GOLPH3L: variants seen among roughly 807,000 people sequenced by gnomAD.
GOLPH3L encodes the protein Golgi phosphoprotein 3-like.
In GOLPH3L, 22 loss-of-function variants were observed where a neutral mutation model predicts 30.3. The ratio of observed to expected loss-of-function variants is 0.73; its 90% CI spans 0.52 to 1.04. The LOEUF is 1.04. Ranked by LOEUF, GOLPH3L falls within the 50% of genes least tolerant of loss-of-function variation. The probability of loss-of-function intolerance (pLI) is 0.00; values close to 1 mark genes in which losing one functional copy is unlikely to be tolerated. For missense variants in GOLPH3L, 303 were observed against 345.8 expected, an observed-to-expected ratio of 0.88 and a Z score of 0.98; for synonymous variants, 120 against 128.2, an observed-to-expected ratio of 0.94 and a Z score of 0.43.
At chr1:150,677,567 AAT>A (rs1650841074) in intron 2 of GOLPH3L, among the ~76,000 whole-genome samples, 2 of 151,892 alleles carry the variant, frequency 1.3e-5, no homozygotes, top group Non-Finnish European at 2.9e-5. Flanking sequence ...AGTAAAATGA[AAT>A]ATAATTTTAC....
chr1:150,653,830 T>C (rs1399608423), intron 4 of GOLPH3L, among the ~76,000 whole-genome samples: 2 of 151,176 alleles, frequency 1.3e-5, no homozygotes, highest in African/African-American at 4.9e-5. Flanking sequence ...CGGCACAATC[T>C]TGTCTCACTG....
chr1:150,673,768 A>C (rs1367530222), intron 2 of GOLPH3L, among the ~76,000 whole-genome samples: 1 of 125,712 alleles, frequency 8.0e-6, no homozygotes, highest in Non-Finnish European at 1.8e-5. Flanking sequence ...GTCTCTACCA[A>C]AAGTACAAAA....
chr1:150,678,923 AG>A (rs1407373880), intron 2 of GOLPH3L, among the ~76,000 whole-genome samples: 3 of 152,222 alleles, frequency 2.0e-5, no homozygotes, highest in Non-Finnish European at 2.9e-5. Context: ...CAGCCTGGCG[AG>A]GGAGCAAGGC....
intron 2 of GOLPH3L, among the ~76,000 whole-genome samples, chr1:150,676,009 C>T (rs1650768847): frequency 7.1e-6 from 1 of 140,580 alleles, no homozygotes; most frequent in African/African-American, 2.6e-5. Context: ...TGTCACTCAA[C>T]CAGGCTGCAG....
intron 4 of GOLPH3L, among the ~76,000 whole-genome samples, chr1:150,654,672 C>T (rs1194813311): frequency 6.6e-6 from 1 of 152,210 alleles, no homozygotes; most frequent in Non-Finnish European, 1.5e-5. Context: ...CCATGAGGGG[C>T]CCGTCTGGGC....
At chr1:150,665,477 A>C (rs4970970) in intron 2 of GOLPH3L, among the ~76,000 whole-genome samples, 125,746 of 152,004 alleles carry the variant, frequency 0.83, 53,007 homozygotes, top group Non-Finnish European at 0.91. Flanking sequence ...CAGGCATGAG[A>C]CACTGCACCT....
Position 150,648,214 on chromosome 1 carries a change from G to T in GOLPH3L, c.*107C>A. The T allele has an allele frequency of 2.5e-6, 2 of 815,366 alleles. No homozygotes were observed. Among genetic ancestry groups the T allele is most frequent in the East Asian group, 2.6e-5 (1 of 38,134 alleles). 50.5% of individuals were successfully genotyped at this position (815,366 alleles called of 1,614,324 possible). ...TCCCCAAATCACAAGTCTGATTCAAGAAAAGGAAACAAAAATGATGAAAAC... is the reference window on the plus strand; with the variant it reads ...TCCCCAAATCACAAGTCTGATTCAATAAAAGGAAACAAAAATGATGAAAAC... On this transcript the variant is annotated 3_prime_UTR_variant, in exon 5 of 5. Transcript: ENST00000271732.
intron 2 of GOLPH3L, among the ~76,000 whole-genome samples, chr1:150,683,643 C>T (rs912494525): frequency 7.9e-6 from 1 of 126,234 alleles, no homozygotes; most frequent in African/African-American, 3.0e-5. Flanking sequence ...GCGGAAGCAG[C>T]GAGCCAAGAT....
At chr1:150,665,391 A>G (rs1360389663) in intron 2 of GOLPH3L, among the ~76,000 whole-genome samples, 1 of 152,002 alleles carries the variant, frequency 6.6e-6, no homozygotes, top group African/African-American at 2.4e-5. Flanking sequence ...CAGTGGGGCC[A>G]TCATAGCTCA....
chr1:150,685,479 C>G (rs1651059347), intron 2 of GOLPH3L, among the ~76,000 whole-genome samples: 1 of 152,168 alleles, frequency 6.6e-6, no homozygotes, highest in African/African-American at 2.4e-5. Flanking sequence ...CTTTGGGAGG[C>G]TGAAGCAGGT....
chr1:150,654,017 C>A (rs1482607950), intron 4 of GOLPH3L, among the ~76,000 whole-genome samples: 14 of 148,850 alleles, frequency 9.4e-5, no homozygotes, highest in Non-Finnish European at 8.9e-5. Context: ...CCTGCCTTGG[C>A]CTTCCAAAGT....
At chr1:150,681,790 G>A (rs1650956784) in intron 2 of GOLPH3L, among the ~76,000 whole-genome samples, 1 of 152,088 alleles carries the variant, frequency 6.6e-6, no homozygotes, top group Non-Finnish European at 1.5e-5. Flanking sequence ...TCTGTGGCTG[G>A]GCATGGTGGC....
At chr1:150,665,266 A>G (rs930582598) in intron 2 of GOLPH3L, among the ~76,000 whole-genome samples, 2 of 152,104 alleles carry the variant, frequency 1.3e-5, no homozygotes, top group African/African-American at 4.8e-5. Flanking sequence ...GAAATTTTTA[A>G]GTGGTTGTTT....
chr1:150,688,334 CT>C (rs1160075887), intron 2 of GOLPH3L, among the ~76,000 whole-genome samples: 1 of 152,210 alleles, frequency 6.6e-6, no homozygotes, highest in Non-Finnish European at 1.5e-5. Context: ...AGATGGGATG[CT>C]TTCAGACATC....
intron 4 of GOLPH3L, among the ~76,000 whole-genome samples, chr1:150,659,949 C>T (rs746423505): frequency 5.9e-5 from 9 of 151,874 alleles, no homozygotes; most frequent in African/African-American, 1.2e-4. Flanking sequence ...GTGGGAGGAT[C>T]CTTGAGCCCG....
At chr1:150,662,555 AG>A (rs1200319697) in intron 3 of GOLPH3L, among the ~76,000 whole-genome samples, 2 of 152,150 alleles carry the variant, frequency 1.3e-5, no homozygotes, top group Non-Finnish European at 2.9e-5. Context: ...AGACCTGCCT[AG>A]AAATTTGAAA....
chr1:150,688,557 G>C (rs1651142988), intron 2 of GOLPH3L, among the ~76,000 whole-genome samples: 1 of 152,126 alleles, frequency 6.6e-6, no homozygotes, highest in East Asian at 1.9e-4. Flanking sequence ...TTCAAGACCA[G>C]CCTGGCCAAC....
chr1:150,648,354 G>C lies in GOLPH3L; in HGVS notation c.825C>G (p.Ile275Met). 2 of 1,613,218 alleles carry C rather than the reference G, an allele frequency of 1.2e-6. No homozygotes were observed. The highest frequency in any genetic ancestry group is 2.2e-5 in the South Asian group (2 of 90,978). ...TATTGAAGGCTGCCAGCACAGCCCA[G>C]ATCATTTCTGTGGCACTAGGCTTTG... ...EGTKPSATEM[I>M]WAVLAAFNKS is the part of the protein sequence containing the mutation. The change falls in exon 5 of 5, where the codon ATC (isoleucine) becomes ATG (methionine). Residue 275 changes from isoleucine to methionine, a missense_variant. Physicochemically the swap from Ile to Met is conservative, Grantham distance 10 (BLOSUM62 1). Coordinates refer to ENST00000271732, the MANE Select transcript of GOLPH3L (RefSeq NM_018178.6).
intron 2 of GOLPH3L, among the ~76,000 whole-genome samples, chr1:150,679,564 C>T (rs1040350790): frequency 2.0e-5 from 3 of 151,968 alleles, no homozygotes; most frequent in Non-Finnish European, 2.9e-5. Flanking sequence ...TTTGGGAGAC[C>T]GAAGCAGGAC....
Sources: gnomAD v4.1 joint callset for allele counts (sites outside exome capture counted in the v4.1 genomes callset) on GRCh38, gnomAD v4.1.1 for gene constraint, MANE v1.5 for transcripts, NCBI Gene and HGNC (gene_info 2026-07-23, HGNC 2026-07-21) for gene names.